NELL1: variants seen among roughly 807,000 people sequenced by gnomAD.
The protein encoded by NELL1 is neural EGFL like 1, also known as protein kinase C-binding protein NELL1.
A neutral mutation model predicts 107.4 loss-of-function variants in NELL1; 76 were observed. That is an observed-to-expected ratio of 0.71 (90% CI 0.59 to 0.86). The LOEUF is 0.86. Ranked by LOEUF, NELL1 falls within the 40% of genes least tolerant of loss-of-function variation. NELL1 has a pLI of 0.00. For missense variants in NELL1, 1,024 were observed against 1,005.5 expected (o/e 1.02, Z -0.25); for synonymous variants, 353 against 341.2 (o/e 1.03, Z -0.38).
At chr11:21,059,749 C>T (rs755611380) in intron 12 of NELL1, among the ~76,000 whole-genome samples, 2 of 152,066 alleles carry the variant, frequency 1.3e-5, no homozygotes, top group Non-Finnish European at 2.9e-5. Flanking sequence ...GTTTGCCTTT[C>T]GCTACTGCAT....
At chr11:20,980,759 GGA>G (rs1353011618) in intron 12 of NELL1, among the ~76,000 whole-genome samples, 2 of 152,096 alleles carry the variant, frequency 1.3e-5, no homozygotes, top group African/African-American at 4.8e-5. Flanking sequence ...GGTAACCCAG[GGA>G]GTCCAAGGCC....
At position 20,885,463 on chromosome 11, in the gene NELL1, G is replaced by T; in HGVS notation, c.526G>T (p.Asp176Tyr). Residue 176 changes from aspartate (D) to tyrosine (Y), a missense_variant, in exon 5 of 20, where the codon GAC becomes TAC. Physicochemically the swap from Asp to Tyr is radical, Grantham distance 160. Coordinates refer to ENST00000357134, the MANE Select transcript of NELL1 (RefSeq NM_006157.5). ...DCNRIYERVI[D>Y]PPDTNLPPGI... ...TTACAGGATTTATGAGCGTGTGATA[G>T]ACCCTCCAGATACCAACCTTCCCCC... The T allele has an allele frequency of 6.2e-7, 1 of 1,611,878 alleles. No homozygotes were observed. Among genetic ancestry groups the T allele is most frequent in the South Asian group, 1.1e-5 (1 of 91,026 alleles).
chr11:21,453,459 CCT>C (rs1307024214), intron 15 of NELL1, among the ~76,000 whole-genome samples: 1 of 152,070 alleles, frequency 6.6e-6, no homozygotes, highest in Non-Finnish European at 1.5e-5. Context: ...TCACATCTAG[CCT>C]CTCTGCTATT....
intron 15 of NELL1, among the ~76,000 whole-genome samples, chr11:21,429,152 A>C (rs1291404241): frequency 6.6e-6 from 1 of 152,196 alleles, no homozygotes; most frequent in Non-Finnish European, 1.5e-5. Context: ...AAATGTTTTT[A>C]ATTTATTCAT....
intron 15 of NELL1, among the ~76,000 whole-genome samples, chr11:21,518,488 G>A (rs1418739336): frequency 6.6e-6 from 1 of 152,194 alleles, no homozygotes; most frequent in Non-Finnish European, 1.5e-5. Flanking sequence ...ATGTGGACCT[G>A]TCTTTAAAGG....
chr11:21,366,824 A>C (rs1851233101), intron 14 of NELL1, among the ~76,000 whole-genome samples: 1 of 152,112 alleles, frequency 6.6e-6, no homozygotes, highest in African/African-American at 2.4e-5. Flanking sequence ...TTACTGTTTC[A>C]GGATTTCAGG....
chr11:21,480,209 CT>C (rs1381005341), intron 15 of NELL1, among the ~76,000 whole-genome samples: 3 of 152,210 alleles, frequency 2.0e-5, no homozygotes, highest in African/African-American at 7.2e-5. Flanking sequence ...AGAAGTTTTC[CT>C]GATGCTTTTA....
chr11:21,361,450 T>C (rs1434625708), intron 14 of NELL1, among the ~76,000 whole-genome samples: 24 of 152,092 alleles, frequency 1.6e-4, no homozygotes, highest in Admixed American at 1.6e-3. Flanking sequence ...GATAAACTAA[T>C]GACTGCATGC....
chr11:20,750,013 G>C (rs7110299), intron 2 of NELL1, among the ~76,000 whole-genome samples: 1 of 152,006 alleles, frequency 6.6e-6, no homozygotes, highest in Non-Finnish European at 1.5e-5. Context: ...ATAAGAAACC[G>C]CCAACGAGTT....
intron 13 of NELL1, among the ~76,000 whole-genome samples, chr11:21,132,138 A>G (rs1855632837): frequency 6.6e-6 from 1 of 152,158 alleles, no homozygotes; most frequent in African/African-American, 2.4e-5. Flanking sequence ...TGGTGCAATG[A>G]TAACAGGTTC....
chr11:21,378,997 C>T (rs1851549338), intron 15 of NELL1, among the ~76,000 whole-genome samples: 1 of 151,932 alleles, frequency 6.6e-6, no homozygotes. Flanking sequence ...CCGGCCAACA[C>T]TTGTACATTT....
intron 12 of NELL1, among the ~76,000 whole-genome samples, chr11:21,107,536 G>T (rs1420890128): frequency 6.6e-6 from 1 of 152,090 alleles, no homozygotes; most frequent in Non-Finnish European, 1.5e-5. Flanking sequence ...GTTCACCCTA[G>T]TTGCTCTTAG....
intron 18 of NELL1, among the ~76,000 whole-genome samples, chr11:21,571,843 T>C (rs1857107459): frequency 6.6e-6 from 1 of 151,790 alleles, no homozygotes; most frequent in South Asian, 2.1e-4. Flanking sequence ...ACATTCTGAG[T>C]TGATTGGTAA....
chr11:20,841,858 T>C (rs1360400251), intron 3 of NELL1, among the ~76,000 whole-genome samples: 1 of 152,148 alleles, frequency 6.6e-6, no homozygotes, highest in Non-Finnish European at 1.5e-5. Flanking sequence ...GGCAGGGACA[T>C]GATGTGCCAA....
intron 13 of NELL1, among the ~76,000 whole-genome samples, chr11:21,145,721 T>A (rs1170730443): frequency 6.6e-6 from 1 of 152,242 alleles, no homozygotes; most frequent in East Asian, 1.9e-4. Flanking sequence ...TCCTTAACCT[T>A]TATAGTGAAA....
chr11:21,240,706 G>T (rs1421482429), intron 14 of NELL1, among the ~76,000 whole-genome samples: 1 of 135,992 alleles, frequency 7.4e-6, no homozygotes, highest in East Asian at 2.2e-4. Context: ...TTAACAAGGT[G>T]CACCTTGACG....
intron 13 of NELL1, among the ~76,000 whole-genome samples, chr11:21,179,277 G>A (rs893357964): frequency 2.6e-5 from 4 of 151,988 alleles, no homozygotes; most frequent in East Asian, 1.9e-4. Context: ...CAGAAATTTC[G>A]TGTAGAGGAA....
At chr11:21,564,500 A>T (rs1354265955) in intron 17 of NELL1, among the ~76,000 whole-genome samples, 1 of 151,980 alleles carries the variant, frequency 6.6e-6, no homozygotes, top group Non-Finnish European at 1.5e-5. Context: ...GTATACTACT[A>T]CATCTATACC....
At chr11:20,963,725 T>TA (rs1851335169) in intron 12 of NELL1, among the ~76,000 whole-genome samples, 1 of 152,072 alleles carries the variant, frequency 6.6e-6, no homozygotes, top group Non-Finnish European at 1.5e-5. Flanking sequence ...AGTAAATACT[T>TA]ATGAGCTGCT....
Sources: gnomAD v4.1 joint callset for allele counts (sites outside exome capture counted in the v4.1 genomes callset) on GRCh38, gnomAD v4.1.1 for gene constraint, MANE v1.5 for transcripts, NCBI Gene and HGNC (gene_info 2026-07-23, HGNC 2026-07-21) for gene names.